PCLO: variants seen among roughly 807,000 people sequenced by gnomAD.
PCLO encodes piccolo presynaptic cytomatrix protein, also known as protein piccolo.
A neutral mutation model predicts 427.5 loss-of-function variants in PCLO; 82 were observed. That is an observed-to-expected ratio of 0.19 (90% CI 0.16 to 0.23). PCLO has a LOEUF of 0.23. PCLO is among the 10% of genes least tolerant of loss of function. The pLI is 1.00. For missense variants in PCLO, 6,239 were observed against 6,115.9 expected, an observed-to-expected ratio of 1.02 and a Z score of -0.67; for synonymous variants, 2,357 against 2,155.4, an observed-to-expected ratio of 1.09 and a Z score of -2.59.
chr7:82,823,037 A>G (rs1468876441), intron 19 of PCLO, among the ~76,000 whole-genome samples: 1 of 152,164 alleles, frequency 6.6e-6, no homozygotes, highest in African/African-American at 2.4e-5. Context: ...GTTTTAAGCA[A>G]AAACAGGATG....
At chr7:82,937,951 C>T (rs777321501) in intron 6 of PCLO, among the ~76,000 whole-genome samples, 29 of 151,752 alleles carry the variant, frequency 1.9e-4, no homozygotes, top group Non-Finnish European at 2.8e-4. Context: ...GAGAACTTTC[C>T]TAATGGGTAT....
intron 22 of PCLO, among the ~76,000 whole-genome samples, chr7:82,792,457 G>T (rs1791122161): frequency 6.6e-6 from 1 of 151,516 alleles, no homozygotes; most frequent in South Asian, 2.1e-4. Context: ...ATCCCAAGTA[G>T]CTGGGACCAC....
chr7:82,999,181 T>C (rs977730610), intron 3 of PCLO, among the ~76,000 whole-genome samples: 2 of 143,266 alleles, frequency 1.4e-5, no homozygotes, highest in East Asian at 2.0e-4. Context: ...AACAACAGAA[T>C]AGAATATTCC....
chr7:82,786,293 C>T (rs1215250716), intron 22 of PCLO, among the ~76,000 whole-genome samples: 2 of 152,014 alleles, frequency 1.3e-5, no homozygotes, highest in African/African-American at 4.8e-5. Context: ...AAGAAATTTA[C>T]AGGTTAAGAG....
At chr7:83,123,114 C>T (rs1791330490) in intron 3 of PCLO, among the ~76,000 whole-genome samples, 1 of 152,002 alleles carries the variant, frequency 6.6e-6, no homozygotes, top group South Asian at 2.1e-4. Context: ...ACTTTCTTCA[C>T]AGAAATAGAA....
chr7:83,078,683 C>T (rs1041290455), intron 3 of PCLO, among the ~76,000 whole-genome samples: 5 of 151,842 alleles, frequency 3.3e-5, no homozygotes, highest in East Asian at 1.9e-4. Flanking sequence ...AGGTGCACGC[C>T]GCTATGCCCG....
At chr7:83,007,591 C>T (rs538411160) in intron 3 of PCLO, among the ~76,000 whole-genome samples, 1 of 151,398 alleles carries the variant, frequency 6.6e-6, no homozygotes, top group African/African-American at 2.4e-5. Context: ...ATAAGATATC[C>T]ATTTCTTATT....
rs1324089200 is a variant in PCLO at position 83,162,419 on chromosome 7, A to G, written c.174T>C (p.Ala58=). 1.3e-6 allele frequency: 2 copies of G among 1,597,514 alleles called. No individual in the cohort carries two copies. The highest frequency in any genetic ancestry group is 2.7e-5 in the African/African-American group (2 of 74,616). Residue 58 remains alanine, a synonymous_variant, in exon 1 of 25, where the codon GCT becomes GCC. Coordinates refer to ENST00000333891, the MANE Select transcript of PCLO (RefSeq NM_033026.6). ...LSEEERRQIA[A]VMSRAQGLPK... ...GCAGCCCCTGCGCCCTTGACATGAC[A>G]GCGGCGATCTGTCTCCTCTCCTCTT...
chr7:83,046,150 C>A (rs934755225), intron 3 of PCLO, among the ~76,000 whole-genome samples: 4 of 152,038 alleles, frequency 2.6e-5, no homozygotes, highest in Non-Finnish European at 5.9e-5. Flanking sequence ...CCTAATGATT[C>A]CATTTTAACT....
chr7:82,913,486 T>G (rs1767344184), intron 7 of PCLO, among the ~76,000 whole-genome samples: 1 of 151,966 alleles, frequency 6.6e-6, no homozygotes, highest in South Asian at 2.1e-4. Context: ...ATGCTTTTAT[T>G]TGATCAAAAA....
intron 3 of PCLO, among the ~76,000 whole-genome samples, chr7:83,133,806 C>G (rs1194598912): frequency 1.3e-5 from 2 of 151,934 alleles, no homozygotes; most frequent in African/African-American, 4.8e-5. Flanking sequence ...AAACAAACTT[C>G]TTTTATTAAT....
At chr7:83,087,305 G>A (rs1446999017) in intron 3 of PCLO, among the ~76,000 whole-genome samples, 1 of 151,956 alleles carries the variant, frequency 6.6e-6, no homozygotes, top group Non-Finnish European at 1.5e-5. Context: ...TCAGAAGCAG[G>A]GAGGGTGGGA....
At chr7:82,901,828 C>A (rs1187647804) in intron 9 of PCLO, among the ~76,000 whole-genome samples, 2 of 152,082 alleles carry the variant, frequency 1.3e-5, no homozygotes, top group Non-Finnish European at 2.9e-5. Flanking sequence ...TGAAAAAACG[C>A]TCATCATCAC....
chr7:82,943,540 T>A (rs1184851578), intron 6 of PCLO, among the ~76,000 whole-genome samples: 12 of 152,078 alleles, frequency 7.9e-5, no homozygotes, highest in Admixed American at 7.9e-4. Flanking sequence ...ACCTACTAGC[T>A]CTAAACAAAT....
At chr7:83,094,597 G>A (rs1276342077) in intron 3 of PCLO, among the ~76,000 whole-genome samples, 4 of 152,116 alleles carry the variant, frequency 2.6e-5, no homozygotes, top group South Asian at 2.1e-4. Flanking sequence ...AGTATTCCAC[G>A]GTATGGATGT....
Position 82,915,737 on chromosome 7 carries a change from A to G in PCLO, c.12249T>C (p.Thr4083=). The G allele has an allele frequency of 6.2e-7, 1 of 1,612,170 alleles. No homozygotes were observed. The highest frequency in any genetic ancestry group is 8.5e-7 in the Non-Finnish European group (1 of 1,179,018). ...TCACTTCTTGAGACCGGCGTGTCTC[A>G]GTGGTTCGAAGGAGACGGTCTGTTT... The part of the protein sequence containing the change: ...LSKTDRLLRT[T]ETRRSQEVTD... The change falls in exon 7 of 25, where the codon ACT becomes ACC. Residue 4083 remains threonine, a synonymous_variant. Transcript: ENST00000333891.
At chr7:82,999,107 T>G (rs1005611157) in intron 3 of PCLO, among the ~76,000 whole-genome samples, 1 of 146,392 alleles carries the variant, frequency 6.8e-6, no homozygotes, top group African/African-American at 2.5e-5. Flanking sequence ...TGAGATTAAA[T>G]ATCAAGAATA....
At position 82,968,022 on chromosome 7, in the gene PCLO, C is replaced by T. The variant is rs189586123; in HGVS notation, c.3301-1535G>A. Among the ~76,000 whole-genome samples the T allele has an allele frequency of 1.6e-3, 240 of 152,258 alleles. 3 individuals are homozygous for T. The highest frequency in any genetic ancestry group is 8.7e-4 in the Non-Finnish European group (59 of 68,012). ...AAAAATCACTTATTGCTCTAGAATA[C>T]TAAAAGATATCTAAGTTTCATTTCT... On this transcript the variant is annotated intron_variant, in intron 3 of 24. Coordinates refer to ENST00000333891, the MANE Select transcript of PCLO (RefSeq NM_033026.6).
intron 3 of PCLO, among the ~76,000 whole-genome samples, chr7:83,121,022 CT>C (rs530545499): frequency 3.0e-4 from 45 of 152,170 alleles, no homozygotes; most frequent in African/African-American, 1.0e-3. Context: ...ACTATAAAAA[CT>C]TTTGTATCCC....
Sources: gnomAD v4.1 joint callset for allele counts (sites outside exome capture counted in the v4.1 genomes callset) on GRCh38, gnomAD v4.1.1 for gene constraint, MANE v1.5 for transcripts, NCBI Gene and HGNC (gene_info 2026-07-23, HGNC 2026-07-21) for gene names.